ZNF557: variants seen among roughly 807,000 people sequenced by gnomAD.
ZNF557 encodes the protein CTB-25J19.9.
A neutral mutation model predicts 21.2 loss-of-function variants in ZNF557; 19 were observed. The ratio of observed to expected loss-of-function variants is 0.90; its 90% CI spans 0.63 to 1.32. ZNF557 has a LOEUF of 1.32. Ranked by LOEUF, ZNF557 falls within the 40% of genes most tolerant of loss-of-function variation. ZNF557 has a pLI of 0.00. For synonymous variants in ZNF557, 207 were observed against 194.8 expected (o/e 1.06, Z -0.52); for missense variants, 487 against 519.8 (o/e 0.94, Z 0.61).
chr19:7,072,607 C>G (rs956139278), intron 2 of ZNF557, among the ~76,000 whole-genome samples: 1 of 152,186 alleles, frequency 6.6e-6, no homozygotes, highest in Non-Finnish European at 1.5e-5. Flanking sequence ...AACTTGGCTT[C>G]CTAAGCAGCT....
intron 2 of ZNF557, among the ~76,000 whole-genome samples, chr19:7,071,799 CAAAA>C (rs71177147): frequency 0.37 from 19,670 of 53,374 alleles, 1,673 homozygotes; most frequent in Middle Eastern, 0.41. Flanking sequence ...GACTGCATCT[CAAAA>C]AAAAAAAAAA....
chr19:7,070,823 T>C (rs911043778), intron 2 of ZNF557, among the ~76,000 whole-genome samples, 170 bp downstream of exon 2: 1 of 150,130 alleles, frequency 6.7e-6, no homozygotes, highest in African/African-American at 2.5e-5. Context: ...TGGAGTGCAG[T>C]GGTGCGATCT....
rs760512069 is a variant in ZNF557 at position 7,083,484 on chromosome 19, GA to G, written c.1038del (p.Lys346AsnfsTer50). 11 of 1,614,186 alleles carry G rather than the reference GA, an allele frequency of 6.8e-6. No individual in the cohort carries two copies. The highest frequency in any genetic ancestry group is 1.3e-5 in the African/African-American group (1 of 75,042). ...LTQHIRTHTG[E>X]KPYTCNECGK... Reference sequence around the variant, plus strand: ...ACAGCACATAAGAACTCATACTGGAGAAAAACCCTACACATGTAATGAGTGT... The same window carrying G: ...ACAGCACATAAGAACTCATACTGGAGAAAACCCTACACATGTAATGAGTGT... On this transcript the variant is annotated frameshift_variant, in exon 8 of 8. Transcript: ENST00000252840. LOFTEE classifies it low-confidence loss of function (END_TRUNC).
chr19:7,080,979 C>T (rs1041989701), intron 5 of ZNF557, among the ~76,000 whole-genome samples: 1 of 152,100 alleles, frequency 6.6e-6, no homozygotes, highest in Non-Finnish European at 1.5e-5. Context: ...TGCCCCCCAC[C>T]CTCATGGAGC....
At position 7,083,444 on chromosome 19, in the gene ZNF557, G is replaced by T; in HGVS notation, c.993G>T (p.Arg331Ser). The change falls in exon 8 of 8, where the codon AGG becomes AGT. Residue 331 changes from arginine (R) to serine (S), a missense_variant. Coordinates refer to ENST00000252840, the MANE Select transcript of ZNF557 (RefSeq NM_024341.3). ...ECHDCGRTFRRRSNLTQHIRT... is the reference protein window; with the variant it reads ...ECHDCGRTFRSRSNLTQHIRT... ...ACGATTGTGGGAGAACCTTCAGGAG[G>T]AGGTCGAATCTGACACAGCACATAA... The T allele has an allele frequency of 6.2e-7, 1 of 1,614,164 alleles. No individual in the cohort carries two copies. The highest frequency in any genetic ancestry group is 1.1e-5 in the South Asian group (1 of 91,086).
In ZNF557 at chr19:7,084,106, G is replaced by T; in HGVS notation, c.*362G>T. On this transcript the variant is annotated 3_prime_UTR_variant, in exon 8 of 8. Coordinates refer to ENST00000252840, the MANE Select transcript of ZNF557 (RefSeq NM_024341.3). ...CCAAATCACGTAGGCCTCTCAACAG[G>T]GCTGAGTTTCTTTATGGAAGCAACT... 5.1e-6 allele frequency: 1 copy of T among 196,844 alleles called. No individual in the cohort carries two copies. The highest frequency in any genetic ancestry group is 9.4e-5 in the South Asian group (1 of 10,664). The allele number at this position is 196,844 out of a possible 1,614,324, so 12.2% of individuals were successfully genotyped here.
At position 7,084,595 on chromosome 19, in the gene ZNF557, CT is replaced by C. The variant is rs1568411438; in HGVS notation, c.*854del. The C allele has an allele frequency of 1.3e-5, 2 of 152,140 alleles. No individual in the cohort carries two copies. The highest frequency in any genetic ancestry group is 6.5e-5 in the Admixed American group (1 of 15,268). 9.4% of individuals were successfully genotyped at this position (152,140 alleles called of 1,614,324 possible). ...CTCAAACTCCTAGGTTCAAGCAGTC[CT>C]TTCATCTTGGCCTCCAGAAGTACTG... is the stretch of plus-strand genomic sequence containing the variant. On this transcript the variant is annotated 3_prime_UTR_variant, in exon 8 of 8. Transcript: ENST00000252840.
Position 7,087,202 on chromosome 19 carries a change from C to CTTTTTTTTTTTCTTTTTTTTTTTTTTT in ZNF557, c.*3469_*3470insCTTTTTTTTTTTTTTTTTTTTTTTTTT, listed in dbSNP as rs1977875138. ...GACACAAAGCATAGAGTTAAAAGAGCTTTTTTTTTTTTTTTTTTTTTTTTC... is the reference window on the plus strand; with the variant it reads ...GACACAAAGCATAGAGTTAAAAGAGCTTTTTTTTTTTCTTTTTTTTTTTTTTTTTTTTTTTTTTTTTTTTTTTTTTTC... On this transcript the variant is annotated 3_prime_UTR_variant, in exon 8 of 8. Transcript: ENST00000252840. 1 of 51,690 alleles carries CTTTTTTTTTTTCTTTTTTTTTTTTTTT rather than the reference C, an allele frequency of 1.9e-5. No individual in the cohort carries two copies. The highest frequency in any genetic ancestry group is 3.2e-5 in the Non-Finnish European group (1 of 31,636). The allele number at this position is 51,690 out of a possible 1,614,324, so 3.2% of individuals were successfully genotyped here. A position where few individuals can be genotyped will look rare whatever the true frequency, so the allele number is the denominator to read the frequency against.
At position 7,087,192 on chromosome 19, in the gene ZNF557, G is replaced by GT. The variant is rs138793621; in HGVS notation, c.*3450dup. 32,085 of 121,094 alleles carry GT rather than the reference G, an allele frequency of 0.26. 4,830 individuals carry two copies. The highest frequency in any genetic ancestry group is 0.46 in the South Asian group (1,700 of 3,720). 7.5% of individuals were successfully genotyped at this position (121,094 alleles called of 1,614,324 possible). A position where few individuals can be genotyped will look rare whatever the true frequency, so the allele number is the denominator to read the frequency against. ...TTGGAAAGTGGACACAAAGCATAGA[G>GT]TTAAAAGAGCTTTTTTTTTTTTTTT... On this transcript the variant is annotated 3_prime_UTR_variant, in exon 8 of 8. Transcript: ENST00000252840.
At chr19:7,080,237 G>A (rs531065997) in intron 5 of ZNF557, among the ~76,000 whole-genome samples, 1 of 152,166 alleles carries the variant, frequency 6.6e-6, no homozygotes, top group East Asian at 1.9e-4. Flanking sequence ...CCAGGAGGTG[G>A]AGGTTGCAGT....
Position 7,083,283 on chromosome 19 carries a change from A to T in ZNF557, c.832A>T (p.Ile278Phe), listed in dbSNP as rs372107983. 1 of 1,614,202 alleles carries T rather than the reference A, an allele frequency of 6.2e-7. No homozygotes were observed. Among genetic ancestry groups the T allele is most frequent in the South Asian group, 1.1e-5 (1 of 91,088 alleles). Residue 278 changes from isoleucine to phenylalanine, a missense_variant, in exon 8 of 8, where the codon ATC becomes TTC. Physicochemically the swap from Ile to Phe is conservative, Grantham distance 21 (BLOSUM62 0). Coordinates refer to ENST00000252840, the MANE Select transcript of ZNF557 (RefSeq NM_024341.3). Reference protein sequence around the residue: ...QCFREFRTQSIFTRHKRVHTG... With the variant: ...QCFREFRTQSFFTRHKRVHTG... Reference sequence around the variant, plus strand: ...TTTTCGTGAGTTCCGCACTCAGTCAATCTTCACAAGGCACAAGAGAGTTCA... The same window carrying T: ...TTTTCGTGAGTTCCGCACTCAGTCATTCTTCACAAGGCACAAGAGAGTTCA...
At chr19:7,073,387 C>G (rs1320536990) in intron 2 of ZNF557, among the ~76,000 whole-genome samples, 3 of 152,032 alleles carry the variant, frequency 2.0e-5, no homozygotes, top group African/African-American at 7.2e-5. Flanking sequence ...AACTGCTGAC[C>G]TCAGGTGATC....
intron 1 of ZNF557, among the ~76,000 whole-genome samples, 177 bp downstream of exon 1, chr19:7,069,950 C>T (rs1023687331): frequency 2.0e-5 from 3 of 152,220 alleles, no homozygotes; most frequent in Non-Finnish European, 4.4e-5. Flanking sequence ...CCCTGTCGCC[C>T]TCACCCGGGG....
Position 7,087,662 on chromosome 19 carries a change from A to C in ZNF557, c.*3918A>C, listed in dbSNP as rs1322664249. ...CTAGACTTCTTACATGATCACAAGTAACCACTAATTGGTTAAAACCAAAGA... is the reference window on the plus strand; with the variant it reads ...CTAGACTTCTTACATGATCACAAGTCACCACTAATTGGTTAAAACCAAAGA... On this transcript the variant is annotated 3_prime_UTR_variant, in exon 8 of 8. Transcript: ENST00000252840. 6.6e-6 allele frequency: 1 copy of C among 151,958 alleles called. No individual in the cohort carries two copies. Among genetic ancestry groups the C allele is most frequent in the Non-Finnish European group, 1.5e-5 (1 of 68,014 alleles). 9.4% of individuals were successfully genotyped at this position (151,958 alleles called of 1,614,324 possible).
rs200328324 is a variant in ZNF557, at chr19:7,075,758, C to T, written c.120+15C>T. ...GCTGGCTAAAGGTGAGTCGGATGTT[C>T]CTTTTTCCAAATCATGATTCCTTCA... On this transcript the variant is annotated intron_variant, in intron 4 of 7. Transcript: ENST00000252840. 11 of 1,611,656 alleles carry T rather than the reference C, an allele frequency of 6.8e-6. No individual in the cohort carries two copies. Among genetic ancestry groups the T allele is most frequent in the East Asian group, 2.2e-5 (1 of 44,786 alleles).
rs1366336888 is a variant in ZNF557 at position 7,081,958 on chromosome 19, A to T, written c.344-12A>T. 3 of 1,606,606 alleles carry T rather than the reference A, an allele frequency of 1.9e-6. No individual in the cohort carries two copies. The highest frequency in any genetic ancestry group is 2.6e-6 in the Non-Finnish European group (3 of 1,175,390). On this transcript the variant is annotated splice_polypyrimidine_tract_variant and intron_variant, in intron 6 of 7. Coordinates refer to ENST00000252840, the MANE Select transcript of ZNF557 (RefSeq NM_024341.3). ...TTTCTATCAACTTAAATTTCTTTTT[A>T]ACTTGTTTCAGATGTGGAGAATCCA...
intron 5 of ZNF557, among the ~76,000 whole-genome samples, chr19:7,080,907 A>G (rs990942588): frequency 4.6e-5 from 7 of 152,184 alleles, no homozygotes; most frequent in Non-Finnish European, 1.0e-4. Context: ...TAAGTCCTTC[A>G]TAAGCACCTC....
chr19:7,083,902 G>A lies in ZNF557; in HGVS notation c.*158G>A. ...AAACACTTGTTATCTCAAAATTTTT[G>A]TAGGTCAGGAATTCAGAAACAACAT... On this transcript the variant is annotated 3_prime_UTR_variant, in exon 8 of 8. Coordinates refer to ENST00000252840, the MANE Select transcript of ZNF557 (RefSeq NM_024341.3). The A allele has an allele frequency of 1.2e-6, 1 of 806,872 alleles. No individual in the cohort carries two copies. The highest frequency in any genetic ancestry group is 1.8e-5 in the South Asian group (1 of 54,920). 50.0% of individuals were successfully genotyped at this position (806,872 alleles called of 1,614,324 possible).
Position 7,080,962 on chromosome 19 carries a change from A to G in ZNF557, c.248-398A>G, listed in dbSNP as rs757631884. On this transcript the variant is annotated intron_variant, in intron 5 of 7. Coordinates refer to ENST00000252840, the MANE Select transcript of ZNF557 (RefSeq NM_024341.3). ...GGATGTGGGAGTAGTGAAGAATGCAACAGACATGCCCCCCACCCTCATGGA... is the reference window on the plus strand; with the variant it reads ...GGATGTGGGAGTAGTGAAGAATGCAGCAGACATGCCCCCCACCCTCATGGA... Among the ~76,000 whole-genome samples the G allele has an allele frequency of 3.8e-4, 58 of 152,238 alleles. No individual in the cohort carries two copies. In the South Asian group the frequency reaches 5.4e-3, roughly 14 times the overall value.
Sources: gnomAD v4.1 joint callset for allele counts (sites outside exome capture counted in the v4.1 genomes callset) on GRCh38, gnomAD v4.1.1 for gene constraint, MANE v1.5 for transcripts, NCBI Gene and HGNC (gene_info 2026-07-23, HGNC 2026-07-21) for gene names.